The following CDH13 variants were observed in gnomAD, a reference collection of about 807,000 sequenced individuals.
CDH13 encodes cadherin 13, also known as cadherin-13.
In CDH13, 24 loss-of-function variants were observed where a neutral mutation model predicts 63.8. The observed-to-expected ratio is 0.38, with a 90% CI of 0.27 to 0.53. The LOEUF (loss-of-function observed/expected upper bound fraction) is 0.53. CDH13 is among the 20% of genes least tolerant of loss of function. The pLI, the probability that CDH13 is intolerant of heterozygous loss-of-function variation, is 0.85. For missense variants in CDH13, 1,049 were observed against 903.1 expected (o/e 1.16, Z -2.07); for synonymous variants, 503 against 355.3 (o/e 1.42, Z -4.67).
chr16:83,615,921 CT>C (rs1909243658), intron 8 of CDH13, among the ~76,000 whole-genome samples: 1 of 152,162 alleles, frequency 6.6e-6, no homozygotes, highest in African/African-American at 2.4e-5. Context: ...GAGTTCATCA[CT>C]TTTTTCTCCT....
At chr16:83,605,719 T>A (rs1908267047) in intron 8 of CDH13, among the ~76,000 whole-genome samples, 1 of 152,172 alleles carries the variant, frequency 6.6e-6, no homozygotes, top group African/African-American at 2.4e-5. Flanking sequence ...GAGAAAGATA[T>A]TATTATGACA....
intron 6 of CDH13, among the ~76,000 whole-genome samples, chr16:83,441,540 T>C (rs1036950766): frequency 5.3e-5 from 8 of 152,250 alleles, no homozygotes. Context: ...TAACAGTTTT[T>C]ATGATAAATG....
chr16:83,426,907 C>CTTTTTTTTTTTTTTT (rs71148833), intron 6 of CDH13, among the ~76,000 whole-genome samples: 4 of 63,180 alleles, frequency 6.3e-5, no homozygotes, highest in Non-Finnish European at 8.4e-5. Flanking sequence ...ATGTTTCTTT[C>CTTTTTTTTTTTTTTT]TTTTTTTTTT....
chr16:83,783,184 C>A, intron 12 of CDH13, 70 bp from the exon 13 acceptor site: 1 of 1,051,390 alleles, frequency 9.5e-7, no homozygotes, highest in Non-Finnish European at 1.4e-6. Flanking sequence ...TGACTTTCAT[C>A]ACCAAAACCT....
intron 2 of CDH13, among the ~76,000 whole-genome samples, chr16:82,891,956 T>C (rs1240256018): frequency 6.6e-6 from 1 of 152,202 alleles, no homozygotes; most frequent in Admixed American, 6.5e-5. Flanking sequence ...TGTTGGTCAG[T>C]ATCCTTTTGA....
At chr16:82,821,532 C>T (rs954305784) in intron 1 of CDH13, among the ~76,000 whole-genome samples, 5 of 152,138 alleles carry the variant, frequency 3.3e-5, no homozygotes, top group Non-Finnish European at 5.9e-5. Context: ...AGAGCCTTGA[C>T]CATTCAAACC....
chr16:83,028,564 A>G (rs192884006), intron 2 of CDH13, among the ~76,000 whole-genome samples: 579 of 152,340 alleles, frequency 3.8e-3, no homozygotes, highest in Non-Finnish European at 6.2e-3. Flanking sequence ...CACAAGACCT[A>G]CGTAGATACC....
At chr16:82,864,289 TC>T (rs1165338565) in intron 2 of CDH13, among the ~76,000 whole-genome samples, 1 of 152,216 alleles carries the variant, frequency 6.6e-6, no homozygotes, top group African/African-American at 2.4e-5. Flanking sequence ...AGTGAGTGTT[TC>T]TAGATAATGT....
intron 5 of CDH13, among the ~76,000 whole-genome samples, chr16:83,299,788 C>G (rs1388281597): frequency 6.6e-6 from 1 of 152,200 alleles, no homozygotes. Flanking sequence ...CAGCATAACA[C>G]TTTATCCCAA....
rs200529474 is a variant in CDH13 at position 83,779,925 on chromosome 16, G to A, written c.1682-43G>A. The stretch of plus-strand genomic sequence containing the variant: ...AAAAGTGCTATGGTAAATTGCTCTC[G>A]CATATACCAGTTGCATACCAACATC... On this transcript the variant is annotated intron_variant, in intron 11 of 13. Transcript: ENST00000567109. 1.8e-3 allele frequency: 2,450 copies of A among 1,330,826 alleles called. 6 individuals carry two copies. The highest frequency in any genetic ancestry group is 2.1e-3 in the Non-Finnish European group (1,998 of 933,006). 82.4% of individuals were successfully genotyped at this position (1,330,826 alleles called of 1,614,324 possible). A position where few individuals can be genotyped will look rare whatever the true frequency, so the allele number is the denominator to read the frequency against.
chr16:82,818,042 T>G (rs1418399305), intron 1 of CDH13, among the ~76,000 whole-genome samples: 3 of 152,168 alleles, frequency 2.0e-5, no homozygotes, highest in African/African-American at 7.2e-5. Context: ...CATATTTGCA[T>G]GCATACATAC....
At chr16:82,816,510 G>T (rs914055734) in intron 1 of CDH13, among the ~76,000 whole-genome samples, 1 of 152,128 alleles carries the variant, frequency 6.6e-6, no homozygotes, top group African/African-American at 2.4e-5. Context: ...AGTGTGGGTG[G>T]AGAAGGCCTC....
At chr16:83,180,318 A>C (rs746316643) in intron 4 of CDH13, among the ~76,000 whole-genome samples, 35 of 152,166 alleles carry the variant, frequency 2.3e-4, no homozygotes, top group Middle Eastern at 3.4e-3. Context: ...ATCAGTTAAG[A>C]TCAGACGATG....
At chr16:83,286,277 G>A (rs17195894) in intron 5 of CDH13, among the ~76,000 whole-genome samples, 26,124 of 152,078 alleles carry the variant, frequency 0.17, 2,406 homozygotes, top group Middle Eastern at 0.21. Context: ...CCATATTACA[G>A]CTGACATTTG....
intron 6 of CDH13, among the ~76,000 whole-genome samples, chr16:83,432,102 G>A (rs116013240): frequency 6.6e-6 from 1 of 152,174 alleles, no homozygotes; most frequent in Non-Finnish European, 1.5e-5. Flanking sequence ...TTGGACTTCA[G>A]TGGAGGCAGG....
At chr16:83,369,059 C>A (rs1343123399) in intron 6 of CDH13, among the ~76,000 whole-genome samples, 2 of 151,018 alleles carry the variant, frequency 1.3e-5, no homozygotes, top group Middle Eastern at 3.4e-3. Context: ...ATAATGACTT[C>A]TTTTCCTCTT....
intron 8 of CDH13, among the ~76,000 whole-genome samples, chr16:83,666,533 C>G (rs995237875): frequency 5.3e-5 from 8 of 152,238 alleles, no homozygotes; most frequent in Admixed American, 4.6e-4. Context: ...ATCCCAAATG[C>G]CTTCCCATGG....
At chr16:83,625,159 TGTGTGTGTGCTC>T (rs776697086) in intron 8 of CDH13, among the ~76,000 whole-genome samples, 37 of 151,370 alleles carry the variant, frequency 2.4e-4, no homozygotes, top group Non-Finnish European at 4.9e-4. Context: ...AAACTCTGTG[TGTGTGTGTGCTC>T]ATGTGTGTGT....
intron 2 of CDH13, among the ~76,000 whole-genome samples, chr16:82,986,797 T>G (rs983109524): frequency 1.3e-5 from 2 of 152,172 alleles, no homozygotes; most frequent in African/African-American, 4.8e-5. Flanking sequence ...ATACCGCAAA[T>G]GGGTGAAGAA....
Sources: allele counts gnomAD v4.1 joint callset (sites outside exome capture counted in the v4.1 genomes callset), GRCh38; gene constraint gnomAD v4.1.1; transcripts MANE v1.5; gene names NCBI Gene and HGNC (gene_info 2026-07-23, HGNC 2026-07-21).